Variants in CERS3 observed in about 807,000 individuals in gnomAD.
The protein encoded by CERS3 is LAG1 homolog, ceramide synthase 3.
CERS3 carries 33 observed loss-of-function variants against 50.3 expected under a neutral mutation model. The observed-to-expected ratio is 0.66, with a 90% CI of 0.50 to 0.88. The LOEUF (loss-of-function observed/expected upper bound fraction) is 0.88, where lower values mean the gene tolerates loss of function less well. CERS3 is among the 40% of genes least tolerant of loss of function. The pLI is 0.00. For missense variants in CERS3, 470 were observed against 460.3 expected (o/e 1.02, Z -0.19); for synonymous variants, 176 against 155.2 (o/e 1.13, Z -0.99).
chr15:100,415,794 G>T (rs554645674), intron 11 of CERS3, among the ~76,000 whole-genome samples: 3 of 100,486 alleles, frequency 3.0e-5, no homozygotes, highest in African/African-American at 1.1e-4. Flanking sequence ...CTGTCGGGGG[G>T]CAGGGAGTGA....
At chr15:100,540,158 G>T (rs960211843) in intron 1 of CERS3, among the ~76,000 whole-genome samples, 2 of 152,140 alleles carry the variant, frequency 1.3e-5, no homozygotes, top group Non-Finnish European at 2.9e-5. Context: ...GAGCCCACTG[G>T]CTATGATCAC....
At chr15:100,402,897 C>G in intron 11 of CERS3, 32 bp from the exon 12 acceptor site, 1 of 1,556,886 alleles carries the variant, frequency 6.4e-7, no homozygotes, top group Non-Finnish European at 8.7e-7. Context: ...CTGTGAGTGA[C>G]AATCTTCCAG....
At chr15:100,452,750 A>C (rs1365340074) in intron 11 of CERS3, among the ~76,000 whole-genome samples, 1 of 152,100 alleles carries the variant, frequency 6.6e-6, no homozygotes, top group Non-Finnish European at 1.5e-5. Context: ...ATAGATTGCT[A>C]GCTAGACTGA....
chr15:100,434,032 G>T (rs1567611474), intron 11 of CERS3, among the ~76,000 whole-genome samples: 2 of 152,256 alleles, frequency 1.3e-5, no homozygotes, highest in South Asian at 4.1e-4. Context: ...CTGCAGTCAG[G>T]CCTCTGTGGA....
chr15:100,507,639 TAGTC>T (rs948902870), intron 2 of CERS3, among the ~76,000 whole-genome samples: 4 of 152,236 alleles, frequency 2.6e-5, no homozygotes, highest in African/African-American at 9.6e-5. Context: ...GCCCACATAG[TAGTC>T]AGTGAAAATT....
chr15:100,431,450 G>T (rs998604406), intron 11 of CERS3, among the ~76,000 whole-genome samples: 2 of 151,314 alleles, frequency 1.3e-5, no homozygotes, highest in African/African-American at 4.9e-5. Flanking sequence ...ATTTTTATCA[G>T]TTTTTTTTTC....
chr15:100,522,149 G>A (rs973515304), intron 1 of CERS3, among the ~76,000 whole-genome samples: 3 of 152,166 alleles, frequency 2.0e-5, no homozygotes, highest in African/African-American at 4.8e-5. Flanking sequence ...GAATTATGTC[G>A]TCAAGTCAGT....
At chr15:100,497,576 G>A (rs1485573972) in intron 3 of CERS3, among the ~76,000 whole-genome samples, 2 of 151,770 alleles carry the variant, frequency 1.3e-5, no homozygotes, top group Non-Finnish European at 2.9e-5. Context: ...GGAGGGGAAA[G>A]CAAAATAGAA....
At chr15:100,416,885 C>A (rs923545629) in intron 11 of CERS3, among the ~76,000 whole-genome samples, 8 of 152,248 alleles carry the variant, frequency 5.3e-5, no homozygotes, top group South Asian at 2.1e-4. Flanking sequence ...AAGCAAAAAA[C>A]AACCAACCAC....
chr15:100,442,069 C>T (rs1010789602), intron 11 of CERS3, among the ~76,000 whole-genome samples: 2 of 152,198 alleles, frequency 1.3e-5, no homozygotes, highest in African/African-American at 4.8e-5. Flanking sequence ...CCCTCCCCTA[C>T]CTGCCCAGCA....
chr15:100,441,476 C>A (rs982099841), intron 11 of CERS3, among the ~76,000 whole-genome samples: 1 of 151,584 alleles, frequency 6.6e-6, no homozygotes, highest in African/African-American at 2.4e-5. Flanking sequence ...AACACCCGAA[C>A]CCCTTCCCTC....
At chr15:100,418,635 T>C (rs1221610897) in intron 11 of CERS3, among the ~76,000 whole-genome samples, 1 of 137,040 alleles carries the variant, frequency 7.3e-6, no homozygotes, top group Non-Finnish European at 1.6e-5. Flanking sequence ...ACTGTCAGAT[T>C]CACCAAAGTT....
chr15:100,477,463 A>T (rs77957523), intron 7 of CERS3, among the ~76,000 whole-genome samples: 14,318 of 152,082 alleles, frequency 0.094, 927 homozygotes, highest in African/African-American at 0.19. Flanking sequence ...AAATCTGGAT[A>T]AAGGACAAGA....
At chr15:100,411,077 C>CACACAG (rs1422968667) in intron 11 of CERS3, among the ~76,000 whole-genome samples, 5 of 152,196 alleles carry the variant, frequency 3.3e-5, no homozygotes, top group Non-Finnish European at 7.3e-5. Context: ...TATATGTCTT[C>CACACAG]TTGTAATTGG....
At chr15:100,513,525 T>A (rs1032080493) in intron 2 of CERS3, among the ~76,000 whole-genome samples, 1 of 127,648 alleles carries the variant, frequency 7.8e-6, no homozygotes, top group African/African-American at 2.9e-5. Flanking sequence ...AAAGGCAAAG[T>A]TCTTGTTTTC....
chr15:100,543,690 C>T (rs1280377188), intron 1 of CERS3, among the ~76,000 whole-genome samples: 2 of 152,074 alleles, frequency 1.3e-5, no homozygotes, highest in Non-Finnish European at 2.9e-5. Flanking sequence ...CCACCACGCT[C>T]GGCTTATTTT....
At chr15:100,514,199 A>C (rs2142367263) in intron 2 of CERS3, among the ~76,000 whole-genome samples, 1 of 152,320 alleles carries the variant, frequency 6.6e-6, no homozygotes, top group East Asian at 1.9e-4. Context: ...AAATGCTTGT[A>C]AATCGCTTTA....
chr15:100,421,449 G>A (rs1206383893), intron 11 of CERS3, among the ~76,000 whole-genome samples: 1 of 152,048 alleles, frequency 6.6e-6, no homozygotes, highest in African/African-American at 2.4e-5. Context: ...CAAACAAATG[G>A]AAGAACATTC....
At chr15:100,523,421 G>A (rs568534865) in intron 1 of CERS3, among the ~76,000 whole-genome samples, 33 of 152,070 alleles carry the variant, frequency 2.2e-4, no homozygotes, top group Admixed American at 1.1e-3. Flanking sequence ...TTAAGAAATC[G>A]CCAAGTGTAG....
Sources: gnomAD v4.1 joint callset for allele counts (sites outside exome capture counted in the v4.1 genomes callset) on GRCh38, gnomAD v4.1.1 for gene constraint, MANE v1.5 for transcripts, NCBI Gene and HGNC (gene_info 2026-07-23, HGNC 2026-07-21) for gene names.